Variants in SLCO3A1 observed in about 807,000 individuals in gnomAD.
SLCO3A1 encodes PGE1 transporter.
In SLCO3A1, 27 loss-of-function variants were observed where a neutral mutation model predicts 63.1. That is an observed-to-expected ratio of 0.43 (90% confidence interval 0.32 to 0.59). SLCO3A1 has a LOEUF of 0.59. SLCO3A1 is among the 20% of genes least tolerant of loss of function. The pLI is 0.09. For missense variants in SLCO3A1, 773 were observed against 945.8 expected (o/e 0.82, Z 2.40); for synonymous variants, 473 against 409.9 (o/e 1.15, Z -1.86).
intron 2 of SLCO3A1, among the ~76,000 whole-genome samples, chr15:92,049,103 A>G (rs1159264398): frequency 6.6e-6 from 1 of 152,182 alleles, no homozygotes; most frequent in East Asian, 1.9e-4. Flanking sequence ...GATCTTAGAG[A>G]TGAGTGGTTA....
intron 7 of SLCO3A1, among the ~76,000 whole-genome samples, chr15:92,141,747 T>C (rs75759645): frequency 0.011 from 1,660 of 152,324 alleles, 36 homozygotes; most frequent in African/African-American, 0.036. Context: ...CACTCGGACA[T>C]CTGAGTGGAA....
intron 2 of SLCO3A1, among the ~76,000 whole-genome samples, chr15:91,933,375 A>G (rs781757312): frequency 3.9e-5 from 6 of 152,104 alleles, no homozygotes; most frequent in Non-Finnish European, 8.8e-5. Flanking sequence ...TTTCTGTTCC[A>G]TTTCTTACCT....
rs550804719 is a variant in SLCO3A1, at chr15:91,916,654, T to C, written c.646+196T>C. Among the ~76,000 whole-genome samples, 1 of 152,338 alleles carries C rather than the reference T, an allele frequency of 6.6e-6. No individual in the cohort carries two copies. Among genetic ancestry groups the C allele is most frequent in the East Asian group, 1.9e-4 (1 of 5,178 alleles). ...TTTTTAAAAGTTCCCAGGTGATTCT[T>C]GTGAGCGGCCGAATTTGAGCTCCAC... On this transcript the variant is annotated intron_variant, in intron 2 of 9. Transcript: ENST00000318445. This position sits in a 1 kb window ranked among gnomAD's most constrained non-coding sequence, Gnocchi z 6.2.
chr15:91,945,847 G>GCCTTCTCT (rs1899788420), intron 2 of SLCO3A1, among the ~76,000 whole-genome samples: 1 of 152,210 alleles, frequency 6.6e-6, no homozygotes. Context: ...AGAGAAGGTT[G>GCCTTCTCT]GAGAGATTTT....
intron 1 of SLCO3A1, among the ~76,000 whole-genome samples, chr15:91,855,753 T>A (rs1341274475): frequency 1.3e-5 from 2 of 152,152 alleles, no homozygotes; most frequent in Non-Finnish European, 2.9e-5. Flanking sequence ...ATAAAATATA[T>A]GTGGGTCTGT....
In SLCO3A1 at chr15:92,131,614, C is replaced by T. The variant is rs944801519; in HGVS notation, c.1512+3125C>T. Among the ~76,000 whole-genome samples, 6 of 145,452 alleles carry T rather than the reference C, an allele frequency of 4.1e-5. 1 individual carries two copies. The highest frequency in any genetic ancestry group is 1.5e-4 in the African/African-American group (6 of 40,118). Reference sequence around the variant, plus strand: ...AACTCCTGACCTCAAGTGATCCACCCGTCTCGGCCTCCCAAAGTGCTGGGA... The same window carrying T: ...AACTCCTGACCTCAAGTGATCCACCTGTCTCGGCCTCCCAAAGTGCTGGGA... On this transcript the variant is annotated intron_variant, in intron 7 of 9. Coordinates refer to ENST00000318445, the MANE Select transcript of SLCO3A1 (RefSeq NM_013272.4).
intron 2 of SLCO3A1, among the ~76,000 whole-genome samples, chr15:92,073,055 C>T (rs2047235618): frequency 6.6e-6 from 1 of 152,158 alleles, no homozygotes; most frequent in Admixed American, 6.5e-5. Context: ...TTTCCCCCAT[C>T]CTTTGCCCGG....
intron 2 of SLCO3A1, among the ~76,000 whole-genome samples, chr15:92,053,412 CACAACCGATG>C: frequency 6.6e-6 from 1 of 152,326 alleles, no homozygotes; most frequent in East Asian, 1.9e-4. Flanking sequence ...GAACATTTGT[CACAACCGATG>C]ACCAGTATCA....
chr15:92,122,176 G>A (rs1453832967), intron 5 of SLCO3A1, among the ~76,000 whole-genome samples: 2 of 152,312 alleles, frequency 1.3e-5, no homozygotes, highest in East Asian at 3.9e-4. Flanking sequence ...GTGGTGGACA[G>A]CCCTTGACAG....
chr15:92,101,243 T>A (rs1279687383), intron 3 of SLCO3A1, among the ~76,000 whole-genome samples: 5 of 152,178 alleles, frequency 3.3e-5, no homozygotes, highest in African/African-American at 4.8e-5. Flanking sequence ...GCACAGTGGT[T>A]CACACCTGTA....
chr15:91,931,967 GT>G (rs1426707130), intron 2 of SLCO3A1, among the ~76,000 whole-genome samples: 1 of 152,146 alleles, frequency 6.6e-6, no homozygotes, highest in Non-Finnish European at 1.5e-5. Flanking sequence ...TAAAATCAAG[GT>G]GGAAGATTAG....
intron 3 of SLCO3A1, among the ~76,000 whole-genome samples, chr15:92,099,314 A>G (rs948423541): frequency 5.9e-5 from 9 of 152,178 alleles, no homozygotes; most frequent in East Asian, 3.9e-4. Flanking sequence ...TAGATGTTCA[A>G]TGCCACCCTC....
chr15:92,061,020 T>G (rs1347550768), intron 2 of SLCO3A1, among the ~76,000 whole-genome samples: 1 of 152,210 alleles, frequency 6.6e-6, no homozygotes, highest in Non-Finnish European at 1.5e-5. Flanking sequence ...AGTTCATGGC[T>G]ATATTTGGAT....
intron 2 of SLCO3A1, among the ~76,000 whole-genome samples, chr15:91,990,284 C>T (rs1296535100): frequency 6.6e-6 from 1 of 152,152 alleles, no homozygotes; most frequent in African/African-American, 2.4e-5. Flanking sequence ...TCTCATGCAA[C>T]TTTGCCAGAA....
chr15:92,151,245 G>C (rs983368275), intron 9 of SLCO3A1: 2 of 445,010 alleles, frequency 4.5e-6, no homozygotes, highest in African/African-American at 4.0e-5. Flanking sequence ...ACGCCACCGT[G>C]AATTCTCATC....
intron 2 of SLCO3A1, among the ~76,000 whole-genome samples, chr15:91,928,245 G>T (rs1899100633): frequency 1.3e-5 from 2 of 152,214 alleles, no homozygotes; most frequent in African/African-American, 4.8e-5. Flanking sequence ...GAATACACTA[G>T]CTCCCATTTA....
At chr15:92,025,301 T>C (rs968700585) in intron 2 of SLCO3A1, among the ~76,000 whole-genome samples, 2 of 151,982 alleles carry the variant, frequency 1.3e-5, no homozygotes, top group Non-Finnish European at 2.9e-5. Context: ...GGCTCAAAGG[T>C]AAGCCAAGCC....
rs904656800 is a variant in SLCO3A1, at chr15:91,968,219, G to A, written c.646+51761G>A. ...AGTTTCAGTGCCGGATCAGAGACTG[G>A]AAAAGTCTGTATGCCCCCTCCCTAC... On this transcript the variant is annotated intron_variant, in intron 2 of 9. Coordinates refer to ENST00000318445, the MANE Select transcript of SLCO3A1 (RefSeq NM_013272.4). The surrounding 1 kb of genome is among the most constrained non-coding windows in gnomAD (Gnocchi z 4.2). Among the ~76,000 whole-genome samples the A allele has an allele frequency of 6.6e-6, 1 of 152,068 alleles. No individual in the cohort carries two copies. Among genetic ancestry groups the A allele is most frequent in the Non-Finnish European group, 1.5e-5 (1 of 68,014 alleles).
intron 2 of SLCO3A1, among the ~76,000 whole-genome samples, chr15:92,080,406 C>A (rs1370431119): frequency 7.1e-6 from 1 of 139,962 alleles, no homozygotes; most frequent in African/African-American, 2.6e-5. Context: ...TTTTTTTTTT[C>A]CTCCAGTCCA....
Sources: allele counts gnomAD v4.1 joint callset (sites outside exome capture counted in the v4.1 genomes callset), GRCh38; gene constraint gnomAD v4.1.1; non-coding constraint Gnocchi (gnomAD v3.1); transcripts MANE v1.5; gene names NCBI Gene and HGNC (gene_info 2026-07-23, HGNC 2026-07-21).